Variants in GHR observed in about 807,000 individuals in gnomAD.
GHR encodes GH receptor.
A neutral mutation model predicts 67.1 loss-of-function variants in GHR; 35 were observed. The observed-to-expected ratio is 0.52, with a 90% confidence interval of 0.40 to 0.69. The LOEUF (loss-of-function observed/expected upper bound fraction) is 0.69. GHR is among the 30% of genes least tolerant of loss of function. The pLI is 0.00. For missense variants in GHR, 792 were observed against 764.6 expected, an observed-to-expected ratio of 1.04 and a Z score of -0.42; for synonymous variants, 272 against 269.1, an observed-to-expected ratio of 1.01 and a Z score of -0.10.
chr5:42,702,207 A>T (rs1757964920), intron 6 of GHR, among the ~76,000 whole-genome samples: 1 of 152,006 alleles, frequency 6.6e-6, no homozygotes, highest in South Asian at 2.1e-4. Context: ...TTAACTCTGC[A>T]CCCTGCCCAC....
At chr5:42,645,578 G>A (rs971899886) in intron 3 of GHR, among the ~76,000 whole-genome samples, 2 of 152,132 alleles carry the variant, frequency 1.3e-5, no homozygotes, top group African/African-American at 4.8e-5. Flanking sequence ...CTTTGCTCTT[G>A]AAGCTATAGC....
At position 42,718,712 on chromosome 5, in the gene GHR, A is replaced by T. The variant is rs367760905; in HGVS notation, c.1205A>T (p.Asn402Ile). ...PDILETDFNA[N>I]DIHEGTSEVA... is the part of the protein sequence containing the mutation. ...ATTCTGGAGACTGATTTCAATGCCA[A>T]TGACATACATGAGGGTACCTCAGAG... is the stretch of plus-strand genomic sequence containing the variant. Residue 402 changes from asparagine to isoleucine, a missense_variant, in exon 10 of 10, where the codon AAT becomes ATT. Coordinates refer to ENST00000230882, the MANE Select transcript of GHR (RefSeq NM_000163.5). 7.6e-5 allele frequency: 122 copies of T among 1,614,232 alleles called. No individual in the cohort carries two copies. The highest frequency in any genetic ancestry group is 1.0e-4 in the Non-Finnish European group (118 of 1,180,046).
intron 2 of GHR, among the ~76,000 whole-genome samples, chr5:42,588,138 C>T (rs778179704): frequency 6.6e-6 from 1 of 152,158 alleles, no homozygotes; most frequent in South Asian, 2.1e-4. Flanking sequence ...TCAGATCATA[C>T]TGATGCAGAT....
rs867164528 is a variant in GHR, at chr5:42,720,723, T to C, written c.*1299T>C. ...TCCCCACAGATAACTGAAAATTATT[T>C]AAACCGCTAAAAGAAACTTTCTTTC... is the stretch of plus-strand genomic sequence containing the variant. On this transcript the variant is annotated 3_prime_UTR_variant, in exon 10 of 10. Coordinates refer to ENST00000230882, the MANE Select transcript of GHR (RefSeq NM_000163.5). The C allele has an allele frequency of 3.3e-5, 5 of 152,206 alleles. No homozygotes were observed. Among genetic ancestry groups the C allele is most frequent in the Middle Eastern group, 3.2e-3 (1 of 316 alleles). 9.4% of individuals were successfully genotyped at this position (152,206 alleles called of 1,614,324 possible).
rs565869099 is a variant in GHR at position 42,481,180 on chromosome 5, G to A, written c.-12+57225G>A. Among the ~76,000 whole-genome samples the A allele has an allele frequency of 1.4e-3, 208 of 152,198 alleles. 1 individual carries two copies. The highest frequency in any genetic ancestry group is 0.01 in the Middle Eastern group (3 of 294). On this transcript the variant is annotated intron_variant, in intron 1 of 9. Transcript: ENST00000230882. ...TTGGCTGGATATGAAATTCTGGGTT[G>A]AAAATTCTTTTCTTTAAGAATGTTG...
chr5:42,526,795 G>A (rs4129645), intron 1 of GHR, among the ~76,000 whole-genome samples: 40,368 of 151,892 alleles, frequency 0.27, 5,794 homozygotes, highest in African/African-American at 0.29. Flanking sequence ...GATTTTCCAA[G>A]GTCAAAATAA....
intron 1 of GHR, among the ~76,000 whole-genome samples, chr5:42,441,651 A>G (rs1743579044): frequency 6.6e-6 from 1 of 152,090 alleles, no homozygotes; most frequent in South Asian, 2.1e-4. Flanking sequence ...CTGGGACTAC[A>G]GGTGCCCTCC....
Position 42,451,725 on chromosome 5 carries a change from T to C in GHR, c.-12+27770T>C, listed in dbSNP as rs775079168. ...GTCAAAAAAAAAAAAAAAAACCTAC[T>C]CCTGCTCACTTTTAGTTTCCATTTG... On this transcript the variant is annotated intron_variant, in intron 1 of 9. Coordinates refer to ENST00000230882, the MANE Select transcript of GHR (RefSeq NM_000163.5). 4.7e-5 allele frequency among the ~76,000 whole-genome samples: 7 copies of C among 149,754 alleles called. No homozygotes were observed. In the East Asian group the frequency reaches 5.9e-4, roughly 13 times the overall value.
At chr5:42,654,760 G>A (rs1429973026) in intron 3 of GHR, among the ~76,000 whole-genome samples, 1 of 152,116 alleles carries the variant, frequency 6.6e-6, no homozygotes, top group Non-Finnish European at 1.5e-5. Flanking sequence ...CAGTGGTTTT[G>A]CTGCAGGTGG....
chr5:42,609,438 A>G (rs1007906983), intron 2 of GHR, among the ~76,000 whole-genome samples: 1 of 152,088 alleles, frequency 6.6e-6, no homozygotes, highest in South Asian at 2.1e-4. Flanking sequence ...ATGAATGATC[A>G]TTTTTCATGT....
chr5:42,473,293 C>T (rs573457384), intron 1 of GHR, among the ~76,000 whole-genome samples: 21 of 152,256 alleles, frequency 1.4e-4, no homozygotes, highest in African/African-American at 4.8e-4. Flanking sequence ...TGCAACGGCG[C>T]GATCTCGGGT....
intron 2 of GHR, among the ~76,000 whole-genome samples, chr5:42,625,627 A>G (rs1222222897): frequency 1.3e-5 from 2 of 152,168 alleles, no homozygotes; most frequent in Non-Finnish European, 2.9e-5. Flanking sequence ...GATTTGGTTC[A>G]GAAAGGCAGG....
At chr5:42,477,235 T>C (rs1486150548) in intron 1 of GHR, among the ~76,000 whole-genome samples, 2 of 152,168 alleles carry the variant, frequency 1.3e-5, no homozygotes, top group Non-Finnish European at 2.9e-5. Context: ...GGCTGCATAG[T>C]ATTCCATGGT....
At chr5:42,590,852 G>C (rs757497693) in intron 2 of GHR, among the ~76,000 whole-genome samples, 7 of 152,142 alleles carry the variant, frequency 4.6e-5, no homozygotes, top group Non-Finnish European at 8.8e-5. Context: ...ATGACCACTT[G>C]CTTTCTCTAT....
chr5:42,476,666 C>G (rs1745338088), intron 1 of GHR, among the ~76,000 whole-genome samples: 1 of 152,142 alleles, frequency 6.6e-6, no homozygotes, highest in Non-Finnish European at 1.5e-5. Context: ...AATTATAAAG[C>G]CTTTTTCTAA....
intron 3 of GHR, among the ~76,000 whole-genome samples, chr5:42,670,872 A>ATAT (rs1454194507): frequency 1.2e-4 from 11 of 91,284 alleles, no homozygotes; most frequent in African/African-American, 4.0e-4. Context: ...AATTAAAAAA[A>ATAT]AAAAAAAAAT....
At chr5:42,450,027 A>G (rs1054199722) in intron 1 of GHR, among the ~76,000 whole-genome samples, 1 of 152,058 alleles carries the variant, frequency 6.6e-6, no homozygotes, top group African/African-American at 2.4e-5. Flanking sequence ...TCTTTTTTGA[A>G]ATGCTGCTGG....
At position 42,719,693 on chromosome 5, in the gene GHR, G is replaced by T; in HGVS notation, c.*269G>T. 1 of 441,952 alleles carries T rather than the reference G, an allele frequency of 2.3e-6. No homozygotes were observed. The highest frequency in any genetic ancestry group is 4.2e-6 in the Non-Finnish European group (1 of 238,064). 27.4% of individuals were successfully genotyped at this position (441,952 alleles called of 1,614,324 possible). A position where few individuals can be genotyped will look rare whatever the true frequency, so the allele number is the denominator to read the frequency against. ...TAGCAGTGATTGTCTTAATATTGTG[G>T]GTGTTAATTTTTGATACTAAGCATT... On this transcript the variant is annotated 3_prime_UTR_variant, in exon 10 of 10. Coordinates refer to ENST00000230882, the MANE Select transcript of GHR (RefSeq NM_000163.5).
At chr5:42,685,551 C>G (rs896707320) in intron 3 of GHR, among the ~76,000 whole-genome samples, 1 of 152,200 alleles carries the variant, frequency 6.6e-6, no homozygotes, top group Non-Finnish European at 1.5e-5. Flanking sequence ...CTAATTTACA[C>G]TCCCACCAAC....
Sources: gnomAD v4.1 joint callset for allele counts (sites outside exome capture counted in the v4.1 genomes callset) on GRCh38, gnomAD v4.1.1 for gene constraint, MANE v1.5 for transcripts, NCBI Gene and HGNC (gene_info 2026-07-23, HGNC 2026-07-21) for gene names.